The following TJP1 variants were observed in gnomAD, a reference collection of about 807,000 sequenced individuals.
TJP1 encodes tight junction protein 1.
A neutral mutation model predicts 194.2 loss-of-function variants in TJP1; 43 were observed. The ratio of observed to expected loss-of-function variants is 0.22; its 90% confidence interval spans 0.17 to 0.29. TJP1 has a LOEUF of 0.29. Ranked by LOEUF, TJP1 falls within the 10% of genes least tolerant of loss-of-function variation. TJP1 has a pLI of 1.00. For missense variants in TJP1, 1,971 were observed against 2,185.7 expected (o/e 0.90, Z 1.96); for synonymous variants, 801 against 779.0 (o/e 1.03, Z -0.47).
In TJP1 at chr15:29,726,415, T is replaced by C. The variant is rs751590368; in HGVS notation, c.2376A>G (p.Gln792=). The change falls in exon 18 of 28, where the codon CAA becomes CAG. Residue 792 remains glutamine (Q), a synonymous_variant. Coordinates refer to ENST00000614355, the MANE Select transcript of TJP1 (RefSeq NM_001330239.4). ...WYGALKEAIQ[Q]QQNQLVWVSE... is the part of the protein sequence containing the mutation. Reference sequence around the variant, plus strand: ...AAACCCATACCAGCTGGTTTTGCTGTTGTTGAATTGCTTCTTTCAGCGCAC... The same window carrying C: ...AAACCCATACCAGCTGGTTTTGCTGCTGTTGAATTGCTTCTTTCAGCGCAC... The C allele has an allele frequency of 1.6e-5, 26 of 1,614,036 alleles. No individual in the cohort carries two copies. Among genetic ancestry groups the C allele is most frequent in the Non-Finnish European group, 1.6e-5 (19 of 1,180,012 alleles).
intron 2 of TJP1, among the ~76,000 whole-genome samples, chr15:29,912,417 A>G (rs1166398856): frequency 6.6e-6 from 1 of 152,218 alleles, no homozygotes; most frequent in Non-Finnish European, 1.5e-5. Context: ...GTAGTCAAAG[A>G]GGTAGCTTGG....
chr15:29,906,116 G>A (rs1596228353), intron 2 of TJP1, among the ~76,000 whole-genome samples: 1 of 152,132 alleles, frequency 6.6e-6, no homozygotes, highest in African/African-American at 2.4e-5. Context: ...GTGGGTGCAA[G>A]GGGTATACAG....
chr15:29,792,409 T>C (rs2048153825), intron 2 of TJP1, among the ~76,000 whole-genome samples: 1 of 152,164 alleles, frequency 6.6e-6, no homozygotes, highest in African/African-American at 2.4e-5. Context: ...TGGAGGTAAA[T>C]GTGTGGATTT....
At chr15:29,866,965 T>C (rs1567147889) in intron 2 of TJP1, among the ~76,000 whole-genome samples, 1 of 152,204 alleles carries the variant, frequency 6.6e-6, no homozygotes, top group Non-Finnish European at 1.5e-5. Flanking sequence ...AGACTGAGCC[T>C]GAGCGCGTCT....
intron 2 of TJP1, among the ~76,000 whole-genome samples, chr15:29,931,214 G>T (rs765706234): frequency 2.0e-5 from 3 of 152,112 alleles, no homozygotes; most frequent in Non-Finnish European, 4.4e-5. Flanking sequence ...TCATATAAAG[G>T]TCTTCATTCT....
At chr15:29,845,826 A>G (rs916459973) in intron 2 of TJP1, among the ~76,000 whole-genome samples, 3 of 152,138 alleles carry the variant, frequency 2.0e-5, no homozygotes, top group Non-Finnish European at 2.9e-5. Context: ...AATTAAATTA[A>G]AAAGTTGTAC....
At position 29,766,212 on chromosome 15, in the gene TJP1, A is replaced by C. The variant is rs1239989557; in HGVS notation, c.589+54T>G. Reference sequence around the variant, plus strand: ...GAGACAGCAACTGTACTTCTCATTAAAATTAGTTTTAAATTTTCATGTGAA... The same window carrying C: ...GAGACAGCAACTGTACTTCTCATTACAATTAGTTTTAAATTTTCATGTGAA... On this transcript the variant is annotated intron_variant, in intron 5 of 27. Coordinates refer to ENST00000614355, the MANE Select transcript of TJP1 (RefSeq NM_001330239.4). The C allele has an allele frequency of 5.1e-6, 8 of 1,567,378 alleles. No homozygotes were observed. In the East Asian group the frequency reaches 1.6e-4, roughly 31 times the overall value.
At chr15:29,823,210 G>C (rs946268861), upstream of TJP1, 2 of 152,192 alleles carry the variant, frequency 1.3e-5, no homozygotes, top group African/African-American at 4.8e-5. Context: ...AATTCTTGTT[G>C]ACCGAACGGG....
At chr15:29,862,846 C>G (rs1255191580) in intron 2 of TJP1, among the ~76,000 whole-genome samples, 2 of 149,202 alleles carry the variant, frequency 1.3e-5, no homozygotes, top group South Asian at 4.5e-4. Flanking sequence ...GACGGGGTTT[C>G]ACCGTGTTAG....
intron 8 of TJP1, among the ~76,000 whole-genome samples, chr15:29,757,664 C>G (rs2045730214): frequency 2.0e-5 from 3 of 152,132 alleles, no homozygotes; most frequent in Admixed American, 2.0e-4. Flanking sequence ...GAATTAAATT[C>G]TCACCACAAA....
rs2042831676 is a variant in TJP1, at chr15:29,720,010, C to A, written c.2770G>T (p.Glu924Ter). ...AGGTAAGGGACTGGAGATGAAGCTT[C>A]TGCTTTCTGTGAAGTGTTTAAAATA... is the stretch of plus-strand genomic sequence containing the variant. ...GFKPASQQKA[E>*]ASSPVPYLSP... Residue 924 changes from glutamate to a stop codon, truncating the protein, a stop_gained, in exon 20 of 28, where the codon GAA becomes TAA. Coordinates refer to ENST00000614355, the MANE Select transcript of TJP1 (RefSeq NM_001330239.4). LOFTEE classifies it high-confidence loss of function. 1 of 1,603,420 alleles carries A rather than the reference C, an allele frequency of 6.2e-7. No homozygotes were observed. The highest frequency in any genetic ancestry group is 1.3e-5 in the African/African-American group (1 of 74,154).
At chr15:29,958,444 C>T (rs2056030801) in intron 1 of TJP1, among the ~76,000 whole-genome samples, 1 of 152,008 alleles carries the variant, frequency 6.6e-6, no homozygotes, top group Non-Finnish European at 1.5e-5. Context: ...TAGATCTATT[C>T]CTGCCATCTT....
At chr15:29,898,743 T>C (rs2053552345) in intron 2 of TJP1, among the ~76,000 whole-genome samples, 2 of 152,288 alleles carry the variant, frequency 1.3e-5, no homozygotes, top group South Asian at 4.1e-4. Context: ...ATGCTCTACC[T>C]GTTAGGTATC....
intron 2 of TJP1, among the ~76,000 whole-genome samples, chr15:29,892,992 A>G (rs1447695683): frequency 6.6e-6 from 1 of 152,258 alleles, no homozygotes; most frequent in Non-Finnish European, 1.5e-5. Context: ...GGATCTGAGC[A>G]AAGTAAATTA....
rs191724222 is a variant in TJP1 at position 29,865,944 on chromosome 15, A to T, written c.307-65242T>A. On this transcript the variant is annotated intron_variant, in intron 2 of 28. Coordinates refer to the TJP1 transcript ENST00000356107. The stretch of plus-strand genomic sequence containing the variant: ...GGCACTGTGCTAGGAGACAGGGAAC[A>T]CAAGCTATTTAAGAGAAGCTTTCTG... Among the ~76,000 whole-genome samples, 5 of 152,364 alleles carry T rather than the reference A, an allele frequency of 3.3e-5. No homozygotes were observed. In the East Asian group the frequency reaches 7.7e-4, roughly 23 times the overall value.
At chr15:29,720,811 G>A (rs530249133) in intron 18 of TJP1, 103 bp from the exon 19 acceptor site, 2 of 936,286 alleles carry the variant, frequency 2.1e-6, no homozygotes, top group African/African-American at 1.7e-5. Flanking sequence ...CTCTGGAGAA[G>A]TCACATCTAC....
chr15:29,929,877 G>A (rs1430325097), intron 2 of TJP1, among the ~76,000 whole-genome samples: 6 of 151,774 alleles, frequency 4.0e-5, no homozygotes, highest in African/African-American at 1.5e-4. Context: ...GGAAAATAGA[G>A]AAGGCATAAA....
chr15:29,859,475 T>C (rs147041337), intron 2 of TJP1, among the ~76,000 whole-genome samples: 21 of 152,288 alleles, frequency 1.4e-4, no homozygotes, highest in African/African-American at 4.8e-4. Context: ...CCAGAAACTC[T>C]AGGCAACAAG....
chr15:29,800,434 A>C (rs956497050), intron 2 of TJP1: 23 of 545,332 alleles, frequency 4.2e-5, no homozygotes, highest in African/African-American at 4.0e-4. Context: ...TCAGGAATAA[A>C]AACAGCAAAT....
Sources: gnomAD v4.1 joint callset for allele counts (sites outside exome capture counted in the v4.1 genomes callset) on GRCh38, gnomAD v4.1.1 for gene constraint, MANE v1.5 for transcripts, NCBI Gene and HGNC (gene_info 2026-07-23, HGNC 2026-07-21) for gene names.